The following JARID2 variants were observed in gnomAD, a reference collection of about 807,000 sequenced individuals.
JARID2 encodes protein Jumonji.
A neutral mutation model predicts 125.6 loss-of-function variants in JARID2; 21 were observed. That is an observed-to-expected ratio of 0.17 (90% CI 0.12 to 0.24). The LOEUF (loss-of-function observed/expected upper bound fraction) is 0.24, where lower values mean the gene tolerates loss of function less well. Ranked by LOEUF, JARID2 falls within the 10% of genes least tolerant of loss-of-function variation. JARID2 has a pLI of 1.00. For synonymous variants in JARID2, 736 were observed against 661.6 expected, an observed-to-expected ratio of 1.11 and a Z score of -1.73; for missense variants, 1,303 against 1,639.6, an observed-to-expected ratio of 0.79 and a Z score of 3.55.
At chr6:15,500,243 C>T (rs1770668032) in intron 7 of JARID2, among the ~76,000 whole-genome samples, 1 of 152,210 alleles carries the variant, frequency 6.6e-6, no homozygotes. Flanking sequence ...CACTGAGAAG[C>T]AGCCCGCTGT....
intron 1 of JARID2, among the ~76,000 whole-genome samples, chr6:15,285,209 C>T (rs1204843782): frequency 1.2e-4 from 17 of 145,716 alleles, no homozygotes; most frequent in Non-Finnish European, 1.6e-4. Flanking sequence ...CTCTGGGGTT[C>T]AAGCGATTCT....
chr6:15,487,156 C>G, intron 5 of JARID2, 151 bp from the exon 6 acceptor site: 1 of 653,430 alleles, frequency 1.5e-6, no homozygotes, highest in South Asian at 1.9e-5. Context: ...CCTCCATGAT[C>G]CAGTCACCTC....
chr6:15,305,834 C>T (rs1402146452), intron 1 of JARID2, among the ~76,000 whole-genome samples: 4 of 152,130 alleles, frequency 2.6e-5, no homozygotes, highest in Non-Finnish European at 1.5e-5. Context: ...CTGTGAATTC[C>T]TTGGACAGTG....
At chr6:15,367,041 G>T (rs544078851) in intron 1 of JARID2, among the ~76,000 whole-genome samples, 1 of 152,204 alleles carries the variant, frequency 6.6e-6, no homozygotes, top group Admixed American at 6.5e-5. Flanking sequence ...AAGGGGCCTG[G>T]TAGAGTTGGT....
chr6:15,490,535 A>C (rs1372151679), intron 6 of JARID2, among the ~76,000 whole-genome samples: 1 of 152,212 alleles, frequency 6.6e-6, no homozygotes, highest in Non-Finnish European at 1.5e-5. Flanking sequence ...TTTCTTGGTG[A>C]GAGGGCTCTG....
intron 1 of JARID2, among the ~76,000 whole-genome samples, chr6:15,307,589 G>T (rs960356724): frequency 6.6e-6 from 1 of 152,040 alleles, no homozygotes; most frequent in East Asian, 1.9e-4. Flanking sequence ...TTCGGGATGG[G>T]GTTGTGGTTC....
intron 1 of JARID2, among the ~76,000 whole-genome samples, chr6:15,319,938 T>C (rs1362052625): frequency 6.6e-6 from 1 of 152,248 alleles, no homozygotes; most frequent in Non-Finnish European, 1.5e-5. Flanking sequence ...CCCTTGACTC[T>C]TTCCTTATTC....
At chr6:15,397,185 T>A (rs781383038) in intron 2 of JARID2, among the ~76,000 whole-genome samples, 4 of 152,220 alleles carry the variant, frequency 2.6e-5, no homozygotes, top group Non-Finnish European at 5.9e-5. Context: ...GCCCACACTT[T>A]AATGATGTTT....
chr6:15,275,536 C>A (rs1226394958), intron 1 of JARID2, among the ~76,000 whole-genome samples: 10 of 86,286 alleles, frequency 1.2e-4, no homozygotes, highest in Non-Finnish European at 2.2e-4. Context: ...CCCCCCCGCC[C>A]CCCCCCCCGT....
chr6:15,339,755 G>C (rs1368197888), intron 1 of JARID2, among the ~76,000 whole-genome samples: 1 of 151,942 alleles, frequency 6.6e-6, no homozygotes. Context: ...GGCTGGTCTC[G>C]AACTCCCAAC....
At chr6:15,507,115 G>T (rs746115867) in intron 9 of JARID2, 21 bp from the exon 10 acceptor site, 1 of 1,509,776 alleles carries the variant, frequency 6.6e-7, no homozygotes, top group African/African-American at 1.4e-5. Flanking sequence ...GTGCTGACCA[G>T]CCCTTTCCTG....
rs78728015 is a variant in JARID2 at position 15,517,901 on chromosome 6, G to A, written c.3558+633G>A. On this transcript the variant is annotated intron_variant, in intron 17 of 17. Transcript: ENST00000341776. ...GATGAGGCTGGTTACGAGGAAGGTCGCCACATTGTGGTCATTGCACATTTG... is the reference window on the plus strand; with the variant it reads ...GATGAGGCTGGTTACGAGGAAGGTCACCACATTGTGGTCATTGCACATTTG... 4.3e-4 allele frequency among the ~76,000 whole-genome samples: 65 copies of A among 152,332 alleles called. 1 individual carries two copies. In the East Asian group the frequency reaches 4.8e-3, roughly 11 times the overall value.
chr6:15,415,844 G>C (rs1397452018), intron 3 of JARID2, among the ~76,000 whole-genome samples: 9 of 123,848 alleles, frequency 7.3e-5, no homozygotes, highest in Middle Eastern at 4.5e-3. Context: ...CTCCCTCCCG[G>C]ACGGGGCGGC....
chr6:15,248,845 G>A, intron 1 of JARID2: 1 of 927,714 alleles, frequency 1.1e-6, no homozygotes, highest in Non-Finnish European at 1.3e-6. Context: ...GGCGGGGGGA[G>A]GAGGGAGCTG....
rs1762497703 is a variant in JARID2, at chr6:15,325,170, CT to C, written c.46-48943del. On this transcript the variant is annotated intron_variant, in intron 1 of 17. Coordinates refer to ENST00000341776, the MANE Select transcript of JARID2 (RefSeq NM_004973.4). ...TTCCCATTTTCTTTCTTTATAAAGACTTTTATAATCTGTACCTTGTACCTGA... is the reference window on the plus strand; with the variant it reads ...TTCCCATTTTCTTTCTTTATAAAGACTTTATAATCTGTACCTTGTACCTGA... Among the ~76,000 whole-genome samples, 4 of 151,908 alleles carry C rather than the reference CT, an allele frequency of 2.6e-5. No individual in the cohort carries two copies. The South Asian group carries it at 8.3e-4, about 32-fold the overall frequency.
Position 15,368,612 on chromosome 6 carries a change from G to A in JARID2, c.46-5505G>A, listed in dbSNP as rs1334664402. The A allele has an allele frequency of 7.0e-6, 3 of 428,096 alleles. No individual in the cohort carries two copies. The East Asian group carries it at 2.1e-4, about 30-fold the overall frequency. 26.5% of individuals were successfully genotyped at this position (428,096 alleles called of 1,614,324 possible). A position where few individuals can be genotyped will look rare whatever the true frequency, so the allele number is the denominator to read the frequency against. ...GAGTAACCAAAAGAGAAGGGTTTGA[G>A]AGACCGTGTCACGTAAGGAATGATT... On this transcript the variant is annotated intron_variant, in intron 1 of 17. Coordinates refer to ENST00000341776, the MANE Select transcript of JARID2 (RefSeq NM_004973.4).
At chr6:15,327,359 C>T (rs1170538522) in intron 1 of JARID2, among the ~76,000 whole-genome samples, 1 of 152,102 alleles carries the variant, frequency 6.6e-6, no homozygotes, top group Admixed American at 6.5e-5. Flanking sequence ...CCCACCCCTG[C>T]ACATTTTCAT....
At chr6:15,292,817 C>T (rs1019230072) in intron 1 of JARID2, among the ~76,000 whole-genome samples, 3 of 152,234 alleles carry the variant, frequency 2.0e-5, no homozygotes, top group African/African-American at 7.2e-5. Flanking sequence ...TTGGTGTGCG[C>T]CACCATTCCC....
chr6:15,481,851 AGT>A, intron 5 of JARID2, among the ~76,000 whole-genome samples: 1 of 152,324 alleles, frequency 6.6e-6, no homozygotes, highest in East Asian at 1.9e-4. Flanking sequence ...AATATTCTTT[AGT>A]AGAGTACCTT....
Sources: gnomAD v4.1 joint callset for allele counts (sites outside exome capture counted in the v4.1 genomes callset) on GRCh38, gnomAD v4.1.1 for gene constraint, MANE v1.5 for transcripts, NCBI Gene and HGNC (gene_info 2026-07-23, HGNC 2026-07-21) for gene names.